The following USP44 variants were observed in gnomAD, a reference collection of about 807,000 sequenced individuals.
USP44 encodes ubiquitin specific peptidase 44.
A neutral mutation model predicts 69.0 loss-of-function variants in USP44; 61 were observed. The ratio of observed to expected loss-of-function variants is 0.88; its 90% CI spans 0.72 to 1.09. USP44 has a LOEUF of 1.09. Ranked by LOEUF, USP44 falls within the 50% of genes least tolerant of loss-of-function variation. The pLI is 0.00. For missense variants in USP44, 753 were observed against 849.9 expected (o/e 0.89, Z 1.42); for synonymous variants, 297 against 295.4 (o/e 1.01, Z -0.06).
intron 5 of USP44, among the ~76,000 whole-genome samples, chr12:95,519,789 C>G (rs912559206): frequency 6.6e-6 from 1 of 150,426 alleles, no homozygotes; most frequent in African/African-American, 2.4e-5. Flanking sequence ...CCTGTAAACC[C>G]GGCACTTTGG....
chr12:95,545,793 A>G (rs923585141), intron 1 of USP44, among the ~76,000 whole-genome samples: 1 of 152,148 alleles, frequency 6.6e-6, no homozygotes, highest in African/African-American at 2.4e-5. Flanking sequence ...GTATGCTATT[A>G]TGTCCATTAT....
At chr12:95,534,561 A>G (rs2077137248) in intron 1 of USP44, among the ~76,000 whole-genome samples, 1 of 151,936 alleles carries the variant, frequency 6.6e-6, no homozygotes, top group Non-Finnish European at 1.5e-5. Flanking sequence ...TTTGTTTTTA[A>G]CTTTCTGCCA....
intron 3 of USP44, among the ~76,000 whole-genome samples, chr12:95,526,856 A>G (rs1372111124): frequency 6.6e-6 from 1 of 152,142 alleles, no homozygotes; most frequent in Non-Finnish European, 1.5e-5. Flanking sequence ...ATACTACACT[A>G]TATGTTTATA....
chr12:95,539,332 T>A (rs11108096), intron 1 of USP44, among the ~76,000 whole-genome samples: 14,462 of 151,920 alleles, frequency 0.095, 1,151 homozygotes, highest in East Asian at 0.34. Context: ...TTCACACCAT[T>A]CTCCTGCCTC....
intron 1 of USP44, among the ~76,000 whole-genome samples, chr12:95,550,435 C>G (rs1009315303): frequency 4.6e-5 from 7 of 151,806 alleles, no homozygotes; most frequent in African/African-American, 1.7e-4. Context: ...CAATAATGAC[C>G]CCAGTGCACT....
chr12:95,530,264 A>G (rs1331068528), intron 2 of USP44, among the ~76,000 whole-genome samples: 1 of 152,230 alleles, frequency 6.6e-6, no homozygotes, highest in Non-Finnish European at 1.5e-5. Flanking sequence ...TGCCAGGGCC[A>G]GACATTTTGA....
chr12:95,538,975 T>C (rs1290045336), intron 1 of USP44, among the ~76,000 whole-genome samples: 1 of 152,228 alleles, frequency 6.6e-6, no homozygotes, highest in African/African-American at 2.4e-5. Context: ...AGTATATTCA[T>C]TTTAAAGAGG....
intron 1 of USP44, among the ~76,000 whole-genome samples, chr12:95,536,039 C>CTTTTTTTTTTTTTTTT (rs397821709): frequency 2.1e-5 from 2 of 97,532 alleles, no homozygotes; most frequent in African/African-American, 4.2e-5. Flanking sequence ...CTTTTTTTTC[C>CTTTTTTTTTTTTTTTT]TTTTTTTTTT....
intron 1 of USP44, among the ~76,000 whole-genome samples, chr12:95,547,414 T>C (rs139020578): frequency 6.6e-6 from 1 of 152,346 alleles, no homozygotes; most frequent in East Asian, 1.9e-4. Flanking sequence ...CTCTTTAAAA[T>C]ATCCTGAGAT....
chr12:95,525,970 G>A (rs916492532), intron 3 of USP44, among the ~76,000 whole-genome samples: 3 of 152,176 alleles, frequency 2.0e-5, no homozygotes, highest in Non-Finnish European at 2.9e-5. Context: ...CAGGTATCTG[G>A]CTGCTGCTGA....
intron 1 of USP44, among the ~76,000 whole-genome samples, chr12:95,549,727 C>T (rs1165145159): frequency 6.6e-6 from 1 of 152,204 alleles, no homozygotes; most frequent in East Asian, 1.9e-4. Flanking sequence ...TTGTTCCTAT[C>T]TTTTCATCAT....
chr12:95,541,279 AAATAAT>A (rs1281079653), intron 1 of USP44, among the ~76,000 whole-genome samples: 1 of 152,142 alleles, frequency 6.6e-6, no homozygotes, highest in Non-Finnish European at 1.5e-5. Context: ...CTGTTTCAAA[AAATAAT>A]AATAATAATT....
Position 95,524,490 on chromosome 12 carries a change from C to T in USP44, c.1733+190G>A, listed in dbSNP as rs150405252. ...CCAGCCTAGGTGACAGAGTGAGACT[C>T]GATCTCTAAATAAATAAACAAATAA... On this transcript the variant is annotated intron_variant, in intron 4 of 5. Coordinates refer to ENST00000258499, the MANE Select transcript of USP44 (RefSeq NM_032147.5). 452 of 437,438 alleles carry T rather than the reference C, an allele frequency of 1.0e-3. 1 individual carries two copies. The highest frequency in any genetic ancestry group is 7.8e-3 in the African/African-American group (376 of 48,090). 27.1% of individuals were successfully genotyped at this position (437,438 alleles called of 1,614,324 possible). A position where few individuals can be genotyped will look rare whatever the true frequency, so the allele number is the denominator to read the frequency against.
chr12:95,547,792 T>C (rs540069741), intron 1 of USP44, among the ~76,000 whole-genome samples: 1 of 152,096 alleles, frequency 6.6e-6, no homozygotes, highest in African/African-American at 2.4e-5. Flanking sequence ...GCTTAAAAGG[T>C]GGCGGGAGTG....
chr12:95,535,195 G>T (rs2077161155), intron 1 of USP44, among the ~76,000 whole-genome samples: 1 of 152,178 alleles, frequency 6.6e-6, no homozygotes, highest in South Asian at 2.1e-4. Flanking sequence ...ATCTGTAAAA[G>T]AGGGAAAATC....
At chr12:95,550,940 T>C (rs565337082) in intron 1 of USP44, among the ~76,000 whole-genome samples, 4 of 152,328 alleles carry the variant, frequency 2.6e-5, no homozygotes, top group Admixed American at 2.6e-4. Context: ...CTAGTGTTAG[T>C]AATTAAAGAG....
chr12:95,545,850 T>C (rs2140383492), intron 1 of USP44, among the ~76,000 whole-genome samples: 2 of 152,332 alleles, frequency 1.3e-5, no homozygotes, highest in South Asian at 4.1e-4. Flanking sequence ...TTCCTTTCCT[T>C]TATCCCTAGA....
chr12:95,520,888 TG>T, intron 5 of USP44, 108 bp downstream of exon 5: 1 of 941,692 alleles, frequency 1.1e-6, no homozygotes, highest in Non-Finnish European at 1.6e-6. Context: ...AGAAAATAAG[TG>T]GTCGAGTAGC....
At chr12:95,522,080 C>A in intron 4 of USP44, 2 of 985,378 alleles carry the variant, frequency 2.0e-6, no homozygotes, top group Non-Finnish European at 2.4e-6. Context: ...CTCAGCATGG[C>A]AAGCAATGTG....
Sources: gnomAD v4.1 joint callset for allele counts (sites outside exome capture counted in the v4.1 genomes callset) on GRCh38, gnomAD v4.1.1 for gene constraint, MANE v1.5 for transcripts, NCBI Gene and HGNC (gene_info 2026-07-23, HGNC 2026-07-21) for gene names.